The following NUDT6 variants were observed in gnomAD, a reference collection of about 807,000 sequenced individuals.
The protein encoded by NUDT6 is FAD diphosphatase NUDT6.
Under a neutral mutation model 36.8 loss-of-function variants are expected in NUDT6, and 24 were observed. That is an observed-to-expected ratio of 0.65 (90% CI 0.47 to 0.92). The LOEUF is 0.92. Ranked by LOEUF, NUDT6 falls within the 40% of genes least tolerant of loss-of-function variation. The pLI is 0.00. For missense variants in NUDT6, 388 were observed against 392.8 expected (o/e 0.99, Z 0.10); for synonymous variants, 163 against 157.0 (o/e 1.04, Z -0.29).
intron 3 of NUDT6, among the ~76,000 whole-genome samples, chr4:122,899,447 G>C (rs1350560304): frequency 1.3e-5 from 2 of 151,978 alleles, no homozygotes; most frequent in Non-Finnish European, 2.9e-5. Flanking sequence ...GACATTTTAT[G>C]GCACCACTTA....
rs1560761847 is a variant in NUDT6 at position 122,892,947 on chromosome 4, C to T, written c.832G>A (p.Gly278Arg). The change falls in exon 5 of 5, where the codon GGG becomes AGG. Residue 278 changes from glycine (G) to arginine (R), a missense_variant. Gly to Arg is a moderately radical substitution (Grantham distance 125, BLOSUM62 -2). Transcript: ENST00000304430. ...ACAGTCAGGTCAATTTTGTCAAACCCTTCTCTGTACCCATACAGCAGCAGC... is the reference window on the plus strand; with the variant it reads ...ACAGTCAGGTCAATTTTGTCAAACCTTTCTCTGTACCCATACAGCAGCAGC... ...ARLLLYGYRE[G>R]FDKIDLTVEE... 1 of 1,614,124 alleles carries T rather than the reference C, an allele frequency of 6.2e-7. No homozygotes were observed. Among genetic ancestry groups the T allele is most frequent in the Non-Finnish European group, 8.5e-7 (1 of 1,180,032 alleles).
At chr4:122,921,215 T>A (rs540340368) in intron 1 of NUDT6, 1 of 152,274 alleles carries the variant, frequency 6.6e-6, no homozygotes, top group South Asian at 2.1e-4. Context: ...AAACTCCAGT[T>A]CTCGCTGAGA....
intron 3 of NUDT6, among the ~76,000 whole-genome samples, chr4:122,903,811 T>A (rs1727568680): frequency 2.0e-5 from 3 of 152,176 alleles, no homozygotes; most frequent in Admixed American, 1.3e-4. Context: ...ATCAGCAGAA[T>A]CCAGTTTGAA....
In NUDT6 at chr4:122,922,568, C is replaced by A. The variant is rs754264116; in HGVS notation, c.5G>T (p.Arg2Leu). M[R>L]QPLSWGRWRA... Reference sequence around the variant, plus strand: ...CCAGCGGCCCCAGCTCAGTGGCTGCCGCATCTCCACGCCGCTTAATTCGTC... The same window carrying A: ...CCAGCGGCCCCAGCTCAGTGGCTGCAGCATCTCCACGCCGCTTAATTCGTC... Residue 2 changes from arginine to leucine, a missense_variant, in exon 1 of 5, where the codon CGG becomes CTG. By Grantham distance (102) the Arg-to-Leu change is moderately radical. Coordinates refer to ENST00000304430, the MANE Select transcript of NUDT6 (RefSeq NM_007083.5). 1.3e-6 allele frequency: 2 copies of A among 1,592,934 alleles called. No individual in the cohort carries two copies. Among genetic ancestry groups the A allele is most frequent in the Non-Finnish European group, 8.5e-7 (1 of 1,174,540 alleles).
At chr4:122,922,614 C>G (rs991996688), upstream of NUDT6, 2 of 1,525,962 alleles carry the variant, frequency 1.3e-6, no homozygotes. Flanking sequence ...ATGACCCCTC[C>G]GCGCTCCAGA....
chr4:122,903,555 T>C (rs1727564633), intron 3 of NUDT6, among the ~76,000 whole-genome samples: 1 of 152,216 alleles, frequency 6.6e-6, no homozygotes, highest in Admixed American at 6.5e-5. Flanking sequence ...AATAAGTTGA[T>C]GCTGTTATTG....
At chr4:122,906,026 G>T (rs1727609351) in intron 3 of NUDT6, among the ~76,000 whole-genome samples, 2 of 152,174 alleles carry the variant, frequency 1.3e-5, no homozygotes, top group South Asian at 2.1e-4. Flanking sequence ...GGGTTCAAGA[G>T]AATTTGAAAT....
chr4:122,916,179 C>G (rs910123742), intron 2 of NUDT6, among the ~76,000 whole-genome samples: 6 of 152,096 alleles, frequency 3.9e-5, no homozygotes. Context: ...TCAGGTCCCA[C>G]CATAGACCTA....
chr4:122,892,931 T>C lies in NUDT6; in HGVS notation c.848A>G (p.Asp283Gly). The change falls in exon 5 of 5, where the codon GAC becomes GGC. Residue 283 changes from aspartate (D) to glycine (G), a missense_variant. Transcript: ENST00000304430. ...YGYREGFDKI[D>G]LTVEELPAVY... is the part of the protein sequence containing the mutation. Reference sequence around the variant, plus strand: ...TGCTGGAAGTTCTTCCACAGTCAGGTCAATTTTGTCAAACCCTTCTCTGTA... The same window carrying C: ...TGCTGGAAGTTCTTCCACAGTCAGGCCAATTTTGTCAAACCCTTCTCTGTA... 6.2e-7 allele frequency: 1 copy of C among 1,614,162 alleles called. No homozygotes were observed. Among genetic ancestry groups the C allele is most frequent in the Non-Finnish European group, 8.5e-7 (1 of 1,180,024 alleles).
chr4:122,903,745 G>A (rs1727567623), intron 3 of NUDT6, among the ~76,000 whole-genome samples: 2 of 152,170 alleles, frequency 1.3e-5, no homozygotes, highest in African/African-American at 4.8e-5. Context: ...TGGTTCCTGT[G>A]AGTATCACTG....
chr4:122,902,398 T>C (rs1727541536), intron 3 of NUDT6, among the ~76,000 whole-genome samples: 1 of 152,184 alleles, frequency 6.6e-6, no homozygotes, highest in South Asian at 2.1e-4. Flanking sequence ...TCTTACACAT[T>C]TGAATGTAAG....
intron 3 of NUDT6, among the ~76,000 whole-genome samples, chr4:122,909,793 A>T (rs1727697254): frequency 6.6e-6 from 1 of 152,258 alleles, no homozygotes; most frequent in African/African-American, 2.4e-5. Flanking sequence ...GCCATACAAA[A>T]GAAACTCAGA....
chr4:122,917,407 C>G, intron 2 of NUDT6, 94 bp downstream of exon 2: 1 of 1,058,824 alleles, frequency 9.4e-7, no homozygotes, highest in Non-Finnish European at 1.5e-6. Context: ...ATAACTCATT[C>G]CACATGAATA....
chr4:122,906,419 T>C (rs1282632797), intron 3 of NUDT6, among the ~76,000 whole-genome samples: 1 of 152,206 alleles, frequency 6.6e-6, no homozygotes, highest in African/African-American at 2.4e-5. Flanking sequence ...TCTGTTTCCA[T>C]CTGTACCTCA....
At chr4:122,922,618 C>A, upstream of NUDT6, 1 of 1,514,976 alleles carries the variant, frequency 6.6e-7, no homozygotes, top group Non-Finnish European at 9.0e-7. Flanking sequence ...CCCCTCCGCG[C>A]TCCAGAGCGG....
chr4:122,905,068 G>A (rs1171052146), intron 3 of NUDT6, among the ~76,000 whole-genome samples: 1 of 152,182 alleles, frequency 6.6e-6, no homozygotes, highest in Non-Finnish European at 1.5e-5. Flanking sequence ...ACTGCTGGCT[G>A]AAGTGGCCAG....
chr4:122,894,183 T>C (rs531941128), intron 4 of NUDT6: 22 of 152,352 alleles, frequency 1.4e-4, no homozygotes, highest in Admixed American at 8.5e-4. Flanking sequence ...AGAAAGAGTA[T>C]AATGTTTTAA....
At position 122,897,610 on chromosome 4, in the gene NUDT6, T is replaced by G. The variant is rs1029092528; in HGVS notation, c.553+14A>C. On this transcript the variant is annotated intron_variant, in intron 4 of 4. Transcript: ENST00000304430. ...AACATTTTTAAGCCAATTAAAAATA[T>G]AAAAGATACACACCAATATCTTCTT... is the stretch of plus-strand genomic sequence containing the variant. The G allele has an allele frequency of 1.9e-6, 3 of 1,574,966 alleles. No individual in the cohort carries two copies. In the African/African-American group the frequency reaches 4.0e-5, roughly 21 times the overall value.
intron 3 of NUDT6, 53 bp from the exon 4 acceptor site, chr4:122,897,731 A>T (rs1048593293): frequency 1.7e-6 from 2 of 1,184,314 alleles, no homozygotes; most frequent in East Asian, 4.9e-5. Context: ...TAACACACAC[A>T]TATGTAGATT....
Sources: allele counts gnomAD v4.1 joint callset (sites outside exome capture counted in the v4.1 genomes callset), GRCh38; gene constraint gnomAD v4.1.1; transcripts MANE v1.5; gene names NCBI Gene and HGNC (gene_info 2026-07-23, HGNC 2026-07-21).